TAFA5: variants seen among roughly 807,000 people sequenced by gnomAD.
TAFA5 encodes chemokine-like protein TAFA-5.
Under a neutral mutation model 15.3 loss-of-function variants are expected in TAFA5, and 6 were observed. The ratio of observed to expected loss-of-function variants is 0.39; its 90% confidence interval spans 0.21 to 0.77. The LOEUF (loss-of-function observed/expected upper bound fraction) is 0.77. Among genes scored for constraint, TAFA5 ranks in the 30% least tolerant of loss-of-function variants. The pLI is 0.41. For missense variants in TAFA5, 161 were observed against 193.1 expected, an observed-to-expected ratio of 0.83 and a Z score of 0.98; for synonymous variants, 103 against 80.7, an observed-to-expected ratio of 1.28 and a Z score of -1.48.
rs139325576 is a variant in TAFA5, at chr22:48,542,650, G to GGTGTGTGTGTGTGGT, written c.112+52957_112+52958insTGGTGTGTGTGTGTG. Among the ~76,000 whole-genome samples, 404 of 54,294 alleles carry GGTGTGTGTGTGTGGT rather than the reference G, an allele frequency of 7.4e-3. 12 individuals carry two copies. The highest frequency in any genetic ancestry group is 0.063 in the Admixed American group (331 of 5,232). 35.6% of individuals were successfully genotyped at this position (54,294 alleles called of 152,430 possible). On this transcript the variant is annotated intron_variant, in intron 1 of 3. Coordinates refer to ENST00000402357, the MANE Select transcript of TAFA5 (RefSeq NM_001082967.3). ...GTGTGGGTGTGTGATGTGTGTGTGT[G>GGTGTGTGTGTGTGGT]GTGTGTGTGTGGTGTGTGTGTGATG...
intron 1 of TAFA5, among the ~76,000 whole-genome samples, chr22:48,591,420 C>A (rs370738195): frequency 2.6e-5 from 4 of 152,250 alleles, no homozygotes; most frequent in East Asian, 1.9e-4. Flanking sequence ...CACCCCCGTG[C>A]GTCTGACCCC....
intron 1 of TAFA5, among the ~76,000 whole-genome samples, chr22:48,585,197 G>A (rs1299792465): frequency 2.9e-5 from 4 of 135,880 alleles, no homozygotes; most frequent in Admixed American, 2.3e-4. Flanking sequence ...CATACCACAT[G>A]CCAAACACCA....
At chr22:48,609,453 C>T (rs1272311739) in intron 1 of TAFA5, among the ~76,000 whole-genome samples, 1 of 152,140 alleles carries the variant, frequency 6.6e-6, no homozygotes, top group Non-Finnish European at 1.5e-5. Context: ...CCTGTGGCAT[C>T]ACTGGCCATG....
intron 1 of TAFA5, among the ~76,000 whole-genome samples, chr22:48,594,221 C>T (rs1354454173): frequency 3.9e-5 from 6 of 152,134 alleles, no homozygotes; most frequent in African/African-American, 7.2e-5. Context: ...GGGGTGCAGG[C>T]GAGACCCAGC....
chr22:48,631,295 G>A lies in TAFA5; in HGVS notation c.113-15302G>A, dbSNP rs912990222. Among the ~76,000 whole-genome samples, 13 of 152,290 alleles carry A rather than the reference G, an allele frequency of 8.5e-5. 1 individual carries two copies. The highest frequency in any genetic ancestry group is 1.3e-4 in the Non-Finnish European group (9 of 68,008). The stretch of plus-strand genomic sequence containing the variant: ...GGAGCTGCAGCCCACCCAGGTGAGC[G>A]GTCCCTGGTGGGCAGCCCCACCCAG... On this transcript the variant is annotated intron_variant, in intron 1 of 3. Transcript: ENST00000402357.
chr22:48,607,975 C>T (rs1925256246), intron 1 of TAFA5, among the ~76,000 whole-genome samples: 1 of 152,038 alleles, frequency 6.6e-6, no homozygotes. Flanking sequence ...AGGTAGGAGG[C>T]CCCGGGCCCA....
intron 1 of TAFA5, among the ~76,000 whole-genome samples, chr22:48,606,827 T>C (rs1925209939): frequency 6.6e-6 from 1 of 152,156 alleles, no homozygotes; most frequent in South Asian, 2.1e-4. Context: ...GCTCTGATGA[T>C]TTAGTGCTGT....
At chr22:48,743,019 C>T (rs1278673811) in intron 3 of TAFA5, among the ~76,000 whole-genome samples, 2 of 152,194 alleles carry the variant, frequency 1.3e-5, no homozygotes, top group African/African-American at 2.4e-5. Context: ...CCAGGACTCA[C>T]TCGGGTCAGG....
intron 1 of TAFA5, among the ~76,000 whole-genome samples, chr22:48,634,333 A>G (rs529416415): frequency 7.9e-4 from 120 of 152,096 alleles, no homozygotes; most frequent in African/African-American, 2.7e-3. Context: ...CACTTATTCA[A>G]TCATTCACTC....
chr22:48,571,574 G>GTTTTGTTTTTTTTTTTTTTTT (rs1923586979), intron 1 of TAFA5, among the ~76,000 whole-genome samples: 3 of 29,234 alleles, frequency 1.0e-4, no homozygotes, highest in Non-Finnish European at 1.3e-4. Flanking sequence ...TGCCTGGCCT[G>GTTTTGTTTTTTTTTTTTTTTT]TTTTTTTTTT....
chr22:48,522,813 C>A (rs906826784), intron 1 of TAFA5, among the ~76,000 whole-genome samples: 1 of 152,352 alleles, frequency 6.6e-6, no homozygotes, highest in Middle Eastern at 3.4e-3. Flanking sequence ...CCCAGGCTGG[C>A]CTGTCCCTTG....
At chr22:48,701,309 C>T (rs1022210953) in intron 2 of TAFA5, among the ~76,000 whole-genome samples, 2 of 152,158 alleles carry the variant, frequency 1.3e-5, no homozygotes, top group Admixed American at 6.5e-5. Flanking sequence ...TAGATGCAGG[C>T]GTGGTGAGAG....
intron 1 of TAFA5, among the ~76,000 whole-genome samples, chr22:48,629,695 T>C (rs1411662220): frequency 6.6e-6 from 1 of 152,206 alleles, no homozygotes; most frequent in East Asian, 1.9e-4. Context: ...GTGGGATGCA[T>C]GGGACAGTCC....
chr22:48,615,219 A>G (rs900749615), intron 1 of TAFA5, among the ~76,000 whole-genome samples: 1 of 152,156 alleles, frequency 6.6e-6, no homozygotes, highest in African/African-American at 2.4e-5. Context: ...GGGAACAGTG[A>G]TAAGAGTTCT....
chr22:48,534,392 G>A (rs947867481), intron 1 of TAFA5, among the ~76,000 whole-genome samples: 18 of 152,086 alleles, frequency 1.2e-4, no homozygotes, highest in Non-Finnish European at 2.2e-4. Flanking sequence ...GCGTTCCTCC[G>A]GGGGTCTGCA....
At chr22:48,618,634 G>A (rs938225096) in intron 1 of TAFA5, among the ~76,000 whole-genome samples, 8 of 151,840 alleles carry the variant, frequency 5.3e-5, no homozygotes, top group Non-Finnish European at 1.0e-4. Flanking sequence ...CCTTGTCCAC[G>A]CCCGCAGCTC....
At chr22:48,515,397 G>GCCTGACC (rs747496337) in intron 1 of TAFA5, among the ~76,000 whole-genome samples, 1 of 152,184 alleles carries the variant, frequency 6.6e-6, no homozygotes, top group Non-Finnish European at 1.5e-5. Flanking sequence ...CCGCTGTCCT[G>GCCTGACC]CCTGACCCCT....
chr22:48,748,332 GA>G (rs943300059), intron 3 of TAFA5, among the ~76,000 whole-genome samples: 31 of 152,350 alleles, frequency 2.0e-4, no homozygotes, highest in Admixed American at 1.8e-3. Flanking sequence ...GACTGTGGAT[GA>G]CCGAGCGCCC....
intron 1 of TAFA5, among the ~76,000 whole-genome samples, chr22:48,637,277 G>A (rs985717875): frequency 6.6e-6 from 1 of 152,132 alleles, no homozygotes; most frequent in Admixed American, 6.5e-5. Flanking sequence ...GCGTAGGGGT[G>A]CATGTGTGCC....
Sources: allele counts gnomAD v4.1 joint callset (sites outside exome capture counted in the v4.1 genomes callset), GRCh38; gene constraint gnomAD v4.1.1; transcripts MANE v1.5; gene names NCBI Gene and HGNC (gene_info 2026-07-23, HGNC 2026-07-21).